The following COPG2 variants were observed in gnomAD, a reference collection of about 807,000 sequenced individuals.
COPG2 encodes the protein coat protein complex I subunit gamma 2.
COPG2 carries 37 observed loss-of-function variants against 46.3 expected under a neutral mutation model. That is an observed-to-expected ratio of 0.80 (90% CI 0.61 to 1.05). The LOEUF (loss-of-function observed/expected upper bound fraction) is 1.05, where lower values mean the gene tolerates loss of function less well. COPG2 is among the 50% of genes least tolerant of loss of function. COPG2 has a pLI of 0.00. For missense variants in COPG2, 427 were observed against 387.8 expected (o/e 1.10, Z -0.85); for synonymous variants, 159 against 129.7 (o/e 1.23, Z -1.53).
Position 130,564,235 on chromosome 7 carries a change from G to A in COPG2, c.871+25C>T, listed in dbSNP as rs1793765888. 1.3e-5 allele frequency: 5 copies of A among 398,370 alleles called. No homozygotes were observed. The Admixed American group carries it at 2.2e-4, about 18-fold the overall frequency. The allele number at this position is 398,370 out of a possible 1,614,324, so 24.7% of individuals were successfully genotyped here. On this transcript the variant is annotated intron_variant, in intron 10 of 23. Transcript: ENST00000425248. The stretch of plus-strand genomic sequence containing the variant: ...AAAGCAAAAACTTAGGAACATAAAA[G>A]CCAGCCATCAAATATAAAACAAACC...
chr7:130,583,048 G>A (rs1415916557), intron 9 of COPG2, among the ~76,000 whole-genome samples: 23 of 151,116 alleles, frequency 1.5e-4, no homozygotes, highest in African/African-American at 4.6e-4. Context: ...ACATGCACAC[G>A]TATGTTTATT....
At chr7:130,663,121 T>C (rs1796010322) in intron 3 of COPG2, 83 bp from the exon 4 acceptor site, 1 of 707,434 alleles carries the variant, frequency 1.4e-6, no homozygotes, top group Non-Finnish European at 2.2e-6. Flanking sequence ...GGATTTTCTA[T>C]TTCTGCAAAA....
In COPG2 at chr7:130,657,828, C is replaced by A. The variant is rs373362803; in HGVS notation, c.244-4880G>T. On this transcript the variant is annotated intron_variant, in intron 4 of 23. Coordinates refer to ENST00000425248, the MANE Select transcript of COPG2 (RefSeq NM_012133.6). ...ATTGGAAAAATGCAAATTTAAGTCA[C>A]AAAGGGATACCATTATACACCTATC... Among the ~76,000 whole-genome samples the A allele has an allele frequency of 4.0e-5, 6 of 151,156 alleles. No homozygotes were observed. The East Asian group carries it at 1.2e-3, about 30-fold the overall frequency.
chr7:130,550,575 C>CA lies in COPG2; in HGVS notation c.1722dup (p.Asp575Ter). On this transcript the variant is annotated frameshift_variant, in exon 17 of 24. Coordinates refer to ENST00000425248, the MANE Select transcript of COPG2 (RefSeq NM_012133.6). LOFTEE classifies it high-confidence loss of function. ...ATAGCAAGAGGAATTGATTTCATGT[C>CA]AAACGGTTTTTCTGAAGGCTCCAAC... 2.5e-6 allele frequency: 1 copy of CA among 398,228 alleles called. No individual in the cohort carries two copies. Among genetic ancestry groups the CA allele is most frequent in the Non-Finnish European group, 4.4e-6 (1 of 225,904 alleles). The allele number at this position is 398,228 out of a possible 1,614,324, so 24.7% of individuals were successfully genotyped here. A position where few individuals can be genotyped will look rare whatever the true frequency, so the allele number is the denominator to read the frequency against.
chr7:130,607,877 T>C (rs1258525826), intron 9 of COPG2: 3 of 504,192 alleles, frequency 6.0e-6, no homozygotes, highest in African/African-American at 2.0e-5. Flanking sequence ...ATAGCTTTTG[T>C]CTTTCAGGCA....
intron 5 of COPG2, among the ~76,000 whole-genome samples, chr7:130,635,491 T>A (rs1780203777): frequency 6.6e-6 from 1 of 152,210 alleles, no homozygotes; most frequent in Non-Finnish European, 1.5e-5. Flanking sequence ...TTCTAGTTTA[T>A]TTGCATAGAG....
intron 4 of COPG2, 25 bp downstream of exon 4, chr7:130,662,942 G>A (rs570663928): frequency 1.4e-5 from 20 of 1,418,428 alleles, no homozygotes; most frequent in South Asian, 8.9e-5. Flanking sequence ...GTTTTTCATC[G>A]TAAAAAAAAT....
intron 9 of COPG2, among the ~76,000 whole-genome samples, chr7:130,585,281 T>C (rs2116447968): frequency 6.6e-6 from 1 of 152,216 alleles, no homozygotes; most frequent in Admixed American, 6.5e-5. Context: ...AGAATGAAAC[T>C]GGATCCTCAT....
At chr7:130,543,161 A>C (rs1793370885) in intron 20 of COPG2, among the ~76,000 whole-genome samples, 1 of 152,202 alleles carries the variant, frequency 6.6e-6, no homozygotes, top group Non-Finnish European at 1.5e-5. Context: ...TAAAATTTGC[A>C]AGTGTGGGGG....
Position 130,506,472 on chromosome 7 carries a change from A to T in COPG2, c.*204T>A. The stretch of plus-strand genomic sequence containing the variant: ...TGCACTATCGTCCCAAAGCTGACCA[A>T]GTAGAATAAAAAGAAAAAAAAAAAA... On this transcript the variant is annotated 3_prime_UTR_variant, in exon 24 of 24. Transcript: ENST00000425248. 2.7e-6 allele frequency: 1 copy of T among 373,070 alleles called. No individual in the cohort carries two copies. Among genetic ancestry groups the T allele is most frequent in the Non-Finnish European group, 4.8e-6 (1 of 207,564 alleles). The allele number at this position is 373,070 out of a possible 1,614,324, so 23.1% of individuals were successfully genotyped here.
At chr7:130,507,042 A>G (rs1799506231) in intron 23 of COPG2, among the ~76,000 whole-genome samples, 1 of 152,216 alleles carries the variant, frequency 6.6e-6, no homozygotes, top group African/African-American at 2.4e-5. Context: ...CTCAAAAGGA[A>G]TGTTGGTGGT....
At chr7:130,586,296 T>A (rs182331535) in intron 9 of COPG2, among the ~76,000 whole-genome samples, 3 of 151,966 alleles carry the variant, frequency 2.0e-5, no homozygotes, top group East Asian at 3.8e-4. Context: ...AATCATACAA[T>A]GGACTTTTGG....
chr7:130,544,208 A>C (rs964657655), intron 20 of COPG2, among the ~76,000 whole-genome samples: 2 of 152,214 alleles, frequency 1.3e-5, no homozygotes, highest in Non-Finnish European at 2.9e-5. Context: ...GGTGAGTTAA[A>C]GTAAAAAACT....
Position 130,506,676 on chromosome 7 carries a change from T to C in COPG2, c.2616A>G (p.Ter872=), listed in dbSNP as rs1213216380. The C allele has an allele frequency of 6.4e-6, 5 of 779,146 alleles. No individual in the cohort carries two copies. The African/African-American group carries it at 6.8e-5, about 11-fold the overall frequency. The allele number at this position is 779,146 out of a possible 1,614,324, so 48.3% of individuals were successfully genotyped here. The change falls in exon 24 of 24, where the codon TAA becomes TAG. Residue 872 remains the stop codon, a stop_retained_variant. Transcript: ENST00000425248. ...PVDVILASVG[*] Reference sequence around the variant, plus strand: ...CAGTTTCCTCTTGTCCAGTAAGCATTTATCCAACAGAAGCTAAGATAACAT... The same window carrying C: ...CAGTTTCCTCTTGTCCAGTAAGCATCTATCCAACAGAAGCTAAGATAACAT...
At position 130,507,359 on chromosome 7, in the gene COPG2, A is replaced by G. The variant is rs782191242; in HGVS notation, c.2400T>C (p.Asn800=). Residue 800 remains asparagine (N), a synonymous_variant, in exon 23 of 24, where the codon AAT becomes AAC. Coordinates refer to ENST00000425248, the MANE Select transcript of COPG2 (RefSeq NM_012133.6). ...STKTLEEAVN[N]IITFLGMQPC... ...GCTGCATGCCCAGAAATGTGATGAT[A>G]TTGTTGACAGCCTCTGTGTTGAGAA... 5.1e-6 allele frequency: 4 copies of G among 780,652 alleles called. No homozygotes were observed. The highest frequency in any genetic ancestry group is 9.6e-6 in the Non-Finnish European group (4 of 417,836). 48.4% of individuals were successfully genotyped at this position (780,652 alleles called of 1,614,324 possible). A position where few individuals can be genotyped will look rare whatever the true frequency, so the allele number is the denominator to read the frequency against.
rs1793522451 is a variant in COPG2 at position 130,550,547 on chromosome 7, G to A, written c.1751C>T (p.Ala584Val). 2 of 397,546 alleles carry A rather than the reference G, an allele frequency of 5.0e-6. No homozygotes were observed. Among genetic ancestry groups the A allele is most frequent in the Non-Finnish European group, 8.9e-6 (2 of 225,684 alleles). The allele number at this position is 397,546 out of a possible 1,614,324, so 24.6% of individuals were successfully genotyped here. Residue 584 changes from alanine to valine, a missense_variant, in exon 17 of 24, where the codon GCT becomes GTT. Transcript: ENST00000425248. Reference sequence around the variant, plus strand: ...ACCTGCTTTCTGTTCAAAGACAGGAGCCATAGCAAGAGGAATTGATTTCAT... The same window carrying A: ...ACCTGCTTTCTGTTCAAAGACAGGAACCATAGCAAGAGGAATTGATTTCAT... ...FDMKSIPLAMAPVFEQKAEIT... is the reference protein window; with the variant it reads ...FDMKSIPLAMVPVFEQKAEIT...
Position 130,666,794 on chromosome 7 carries a change from C to T in COPG2, c.171+55G>A, listed in dbSNP as rs1796087143. ...CTTTCCAGAAAGTATTTCACTGAAT[C>T]TTCAGTATTTCTATTCCAGGACACA... On this transcript the variant is annotated intron_variant, in intron 3 of 23. Transcript: ENST00000425248. 1.4e-5 allele frequency: 11 copies of T among 769,782 alleles called. No homozygotes were observed. In the East Asian group the frequency reaches 2.9e-4, roughly 20 times the overall value. 47.7% of individuals were successfully genotyped at this position (769,782 alleles called of 1,614,324 possible). A position where few individuals can be genotyped will look rare whatever the true frequency, so the allele number is the denominator to read the frequency against.
At chr7:130,563,755 C>CAAAAAAAAAAAAAAAAAGAAA (rs1793755821) in intron 10 of COPG2, among the ~76,000 whole-genome samples, 1 of 89,006 alleles carries the variant, frequency 1.1e-5, no homozygotes, top group African/African-American at 6.6e-5. Context: ...GACTCCGTCT[C>CAAAAAAAAAAAAAAAAAGAAA]AAAAAAAAAA....
At position 130,549,310 on chromosome 7, in the gene COPG2, A is replaced by G; in HGVS notation, c.1837+4T>C. On this transcript the variant is annotated splice_donor_region_variant and intron_variant, in intron 18 of 23. Transcript: ENST00000425248. ...TATTACGTCTAACCATCAAATCATC[A>G]TACCTTGGAAAATGTCTTGCCTGGA... The G allele has an allele frequency of 2.5e-6, 1 of 398,590 alleles. No individual in the cohort carries two copies. Among genetic ancestry groups the G allele is most frequent in the Non-Finnish European group, 4.4e-6 (1 of 226,036 alleles). The allele number at this position is 398,590 out of a possible 1,614,324, so 24.7% of individuals were successfully genotyped here.
Sources: gnomAD v4.1 joint callset for allele counts (sites outside exome capture counted in the v4.1 genomes callset) on GRCh38, gnomAD v4.1.1 for gene constraint, MANE v1.5 for transcripts, NCBI Gene and HGNC (gene_info 2026-07-23, HGNC 2026-07-21) for gene names.